The following PIK3C3 variants were observed in gnomAD, a reference collection of about 807,000 sequenced individuals.
PIK3C3 encodes phosphatidylinositol 3-kinase catalytic subunit type 3.
In PIK3C3, 95 loss-of-function variants were observed where a neutral mutation model predicts 126.1. The observed-to-expected ratio is 0.75, with a 90% CI of 0.64 to 0.89. PIK3C3 has a LOEUF of 0.89. Among genes scored for constraint, PIK3C3 ranks in the 40% least tolerant of loss-of-function variants. The pLI is 0.00. For missense variants in PIK3C3, 829 were observed against 1,063.2 expected (o/e 0.78, Z 3.06); for synonymous variants, 374 against 360.0 (o/e 1.04, Z -0.44).
At chr18:42,023,106 A>G (rs1011708098) in intron 13 of PIK3C3, among the ~76,000 whole-genome samples, 12 of 152,312 alleles carry the variant, frequency 7.9e-5, no homozygotes. Flanking sequence ...CTAAGAATTC[A>G]TTTAGAGATA....
At chr18:42,042,303 A>G (rs960299213) in intron 19 of PIK3C3, among the ~76,000 whole-genome samples, 8 of 152,200 alleles carry the variant, frequency 5.3e-5, no homozygotes, top group Admixed American at 1.3e-4. Context: ...TAGGATGCCT[A>G]TGTATGAATT....
chr18:42,020,953 G>T (rs1983295713), intron 13 of PIK3C3, among the ~76,000 whole-genome samples: 1 of 152,076 alleles, frequency 6.6e-6, no homozygotes, highest in African/African-American at 2.4e-5. Context: ...GAGGGTAATG[G>T]GTACTTTCAG....
At chr18:42,015,917 A>G (rs1373116527) in intron 12 of PIK3C3, among the ~76,000 whole-genome samples, 1 of 152,192 alleles carries the variant, frequency 6.6e-6, no homozygotes, top group African/African-American at 2.4e-5. Flanking sequence ...GTAGAAATGT[A>G]TAACTTTGAT....
intron 21 of PIK3C3, among the ~76,000 whole-genome samples, chr18:42,053,239 G>A (rs1984883535): frequency 1.3e-5 from 2 of 152,176 alleles, no homozygotes; most frequent in South Asian, 4.1e-4. Context: ...TATAGAGAAT[G>A]TCAAAATCTA....
At chr18:42,071,109 C>T (rs1985754995) in intron 24 of PIK3C3, among the ~76,000 whole-genome samples, 1 of 152,118 alleles carries the variant, frequency 6.6e-6, no homozygotes, top group Non-Finnish European at 1.5e-5. Flanking sequence ...CCTTGATAAT[C>T]AAAGTTACTG....
intron 13 of PIK3C3, 52 bp from the exon 14 acceptor site, chr18:42,027,391 C>A: frequency 2.0e-6 from 2 of 1,011,734 alleles, no homozygotes; most frequent in Non-Finnish European, 3.0e-6. Context: ...TATTTACAAA[C>A]TGAATCTAAG....
Position 42,020,672 on chromosome 18 carries a change from G to C in PIK3C3, c.1451G>C (p.Cys484Ser), listed in dbSNP as rs1129275. The C allele has an allele frequency of 6.2e-7, 1 of 1,604,012 alleles. No individual in the cohort carries two copies. Among genetic ancestry groups the C allele is most frequent in the Non-Finnish European group, 8.5e-7 (1 of 1,172,134 alleles). ...TGTACCTTCTTGATATCGAGAGCCT[G>C]CAAAAACTCAACACTGGCTAATTAT... ...DLCTFLISRA[C>S]KNSTLANYLY... Residue 484 changes from cysteine to serine, a missense_variant, in exon 13 of 25, where the codon TGC (cysteine) becomes TCC (serine). By Grantham distance (112) the Cys-to-Ser change is moderately radical. This residue lies in a region of PIK3C3 where 256 missense variants were observed against 291.0 expected (regional missense o/e 0.88). Transcript: ENST00000262039.
Position 41,962,534 on chromosome 18 carries a change from C to G in PIK3C3, c.303C>G (p.Pro101=). Residue 101 remains proline, a synonymous_variant, in exon 3 of 25, where the codon CCC becomes CCG. Transcript: ENST00000262039. ...LKLPVKYPDL[P]RNAQVALTIW... ...TACCAGTAAAATACCCTGACCTGCC[C>G]AGGAATGCCCAAGTGGCCCTCACCA... 1 of 1,613,552 alleles carries G rather than the reference C, an allele frequency of 6.2e-7. No individual in the cohort carries two copies. The highest frequency in any genetic ancestry group is 8.5e-7 in the Non-Finnish European group (1 of 1,179,614).
rs141329274 is a variant in PIK3C3, at chr18:42,037,726, C to T, written c.1874C>T (p.Thr625Met). 2.4e-4 allele frequency: 391 copies of T among 1,611,232 alleles called. 2 individuals carry two copies. The highest frequency in any genetic ancestry group is 4.6e-4 in the South Asian group (42 of 90,840). The change falls in exon 17 of 25, where the codon ACG (threonine) becomes ATG (methionine). Residue 625 changes from threonine (T) to methionine (M), a missense_variant. By Grantham distance (81) the Thr-to-Met change is moderately conservative. Coordinates refer to ENST00000262039, the MANE Select transcript of PIK3C3 (RefSeq NM_002647.4). The part of the protein sequence containing the change: ...ALMPAQLFFK[T>M]EDGGKYPVIF... The stretch of plus-strand genomic sequence containing the variant: ...ATGCCTGCACAGTTGTTTTTTAAGA[C>T]GGAAGATGGAGGCAAATATCCAGTT...
At chr18:42,018,843 C>T (rs547749121) in intron 12 of PIK3C3, among the ~76,000 whole-genome samples, 13 of 152,208 alleles carry the variant, frequency 8.5e-5, no homozygotes, top group South Asian at 2.1e-4. Flanking sequence ...TACCTACTTT[C>T]GCTATGCCTG....
Position 42,004,496 on chromosome 18 carries a change from T to C in PIK3C3, c.1125T>C (p.Thr375=). The C allele has an allele frequency of 6.2e-7, 1 of 1,608,750 alleles. No individual in the cohort carries two copies. Among genetic ancestry groups the C allele is most frequent in the Non-Finnish European group, 8.5e-7 (1 of 1,178,684 alleles). Residue 375 remains threonine (T), a synonymous_variant, in exon 10 of 25, where the codon ACT becomes ACC. Coordinates refer to ENST00000262039, the MANE Select transcript of PIK3C3 (RefSeq NM_002647.4). ...TATCCTCTCATTACACCAACCCAAC[T>C]GTGAGGCGTTATGCTGTTGCCCGGT... is the stretch of plus-strand genomic sequence containing the variant. ...ELLSSHYTNP[T]VRRYAVARLR... is the part of the protein sequence containing the mutation.
chr18:42,052,884 A>G (rs1016769035), intron 21 of PIK3C3: 4 of 152,218 alleles, frequency 2.6e-5, no homozygotes, highest in African/African-American at 7.2e-5. Flanking sequence ...CAATCTTTCA[A>G]TGGCTGATGG....
chr18:41,961,814 TAAAA>T (rs905607912), intron 2 of PIK3C3, among the ~76,000 whole-genome samples: 4 of 151,344 alleles, frequency 2.6e-5, no homozygotes, highest in African/African-American at 9.7e-5. Flanking sequence ...ATAGAGGGTT[TAAAA>T]AAAAAGAGCT....
intron 9 of PIK3C3, among the ~76,000 whole-genome samples, chr18:41,997,258 A>G (rs760758595): frequency 2.2e-4 from 33 of 152,112 alleles, no homozygotes; most frequent in Non-Finnish European, 3.8e-4. Flanking sequence ...GAGAAATATA[A>G]TTTGAGATGT....
intron 24 of PIK3C3, among the ~76,000 whole-genome samples, chr18:42,079,514 A>C (rs1986158886): frequency 6.6e-6 from 1 of 152,186 alleles, no homozygotes; most frequent in Non-Finnish European, 1.5e-5. Flanking sequence ...AGTGAACATA[A>C]GCTGTTGGAA....
chr18:41,990,656 TAGCAGCAG>T, intron 6 of PIK3C3, 102 bp downstream of exon 6: 3 of 655,220 alleles, frequency 4.6e-6, no homozygotes, highest in Non-Finnish European at 8.1e-6. Context: ...GGTTGCAGGG[TAGCAGCAG>T]ACAGCTGTCA....
At chr18:42,012,920 G>A (rs1982895359) in intron 10 of PIK3C3, among the ~76,000 whole-genome samples, 1 of 151,778 alleles carries the variant, frequency 6.6e-6, no homozygotes, top group South Asian at 2.1e-4. Context: ...GAGCTTTCAG[G>A]AAAAAAGAAA....
intron 21 of PIK3C3, chr18:42,050,767 C>CT (rs1303071229): frequency 6.6e-6 from 1 of 152,220 alleles, no homozygotes; most frequent in Non-Finnish European, 1.5e-5. Flanking sequence ...AACCTGAACC[C>CT]TTTATTGGGG....
chr18:41,981,830 G>A (rs2144334695), intron 4 of PIK3C3, among the ~76,000 whole-genome samples: 1 of 150,632 alleles, frequency 6.6e-6, no homozygotes, highest in African/African-American at 2.4e-5. Flanking sequence ...GAAAAAATTA[G>A]CCAGGCATGG....
Sources: gnomAD v4.1 joint callset for allele counts (sites outside exome capture counted in the v4.1 genomes callset) on GRCh38, gnomAD v4.1.1 for gene constraint, gnomAD v4.1.1 regional missense constraint, MANE v1.5 for transcripts, NCBI Gene and HGNC (gene_info 2026-07-23, HGNC 2026-07-21) for gene names.